KIAA1549L: variants seen among roughly 807,000 people sequenced by gnomAD.
KIAA1549L encodes the protein KIAA1549 like, also known as UPF0606 protein KIAA1549L.
KIAA1549L carries 88 observed loss-of-function variants against 160.7 expected under a neutral mutation model. The observed-to-expected ratio is 0.55, with a 90% CI of 0.46 to 0.65. The LOEUF (loss-of-function observed/expected upper bound fraction) is 0.65. Ranked by LOEUF, KIAA1549L falls within the 30% of genes least tolerant of loss-of-function variation. KIAA1549L has a pLI of 0.00. For synonymous variants in KIAA1549L, 950 were observed against 976.7 expected (o/e 0.97, Z 0.51); for missense variants, 2,258 against 2,437.5 (o/e 0.93, Z 1.55).
At chr11:33,449,233 ATTTTT>A (rs553540920) in intron 1 of KIAA1549L, among the ~76,000 whole-genome samples, 1 of 146,022 alleles carries the variant, frequency 6.8e-6, no homozygotes, top group Non-Finnish European at 1.5e-5. Flanking sequence ...TTGCTCTTCA[ATTTTT>A]TTTTTTTCTG....
intron 15 of KIAA1549L, among the ~76,000 whole-genome samples, chr11:33,618,239 T>A (rs1442275524): frequency 6.6e-6 from 1 of 152,256 alleles, no homozygotes; most frequent in Admixed American, 6.5e-5. Context: ...ACCCCTGGTC[T>A]TGCCATCAGC....
rs1248722032 is a variant in KIAA1549L, at chr11:33,671,798, CAG to C, written c.*3646_*3647del. 1 of 152,170 alleles carries C rather than the reference CAG, an allele frequency of 6.6e-6. No individual in the cohort carries two copies. Among genetic ancestry groups the C allele is most frequent in the Admixed American group, 6.5e-5 (1 of 15,288 alleles). The allele number at this position is 152,170 out of a possible 1,614,324, so 9.4% of individuals were successfully genotyped here. On this transcript the variant is annotated 3_prime_UTR_variant, in exon 21 of 21. Coordinates refer to ENST00000658780, the MANE Select transcript of KIAA1549L (RefSeq NM_012194.3). ...GCTCAACATTTAATGAATAATATAA[CAG>C]ATACTGTCTTAAAAGTTTAAAAACA...
At chr11:33,566,664 A>G (rs10437629) in intron 8 of KIAA1549L, among the ~76,000 whole-genome samples, 33,594 of 152,154 alleles carry the variant, frequency 0.22, 6,950 homozygotes, top group African/African-American at 0.54. Flanking sequence ...CTATTTAAAC[A>G]TCATTCTCTG....
intron 16 of KIAA1549L, among the ~76,000 whole-genome samples, chr11:33,624,438 G>A (rs1235092328): frequency 2.0e-5 from 3 of 152,168 alleles, no homozygotes; most frequent in Non-Finnish European, 2.9e-5. Flanking sequence ...GAGGCCAGTG[G>A]ACAAATGTAA....
intron 1 of KIAA1549L, among the ~76,000 whole-genome samples, chr11:33,508,522 G>A (rs1173084014): frequency 6.6e-6 from 1 of 152,190 alleles, no homozygotes; most frequent in Admixed American, 6.5e-5. Flanking sequence ...GAGCATTAGG[G>A]TAGAAAAATT....
At chr11:33,561,379 A>G (rs1343904960) in intron 7 of KIAA1549L, among the ~76,000 whole-genome samples, 3 of 152,188 alleles carry the variant, frequency 2.0e-5, no homozygotes, top group Non-Finnish European at 4.4e-5. Flanking sequence ...CTGAACAGTG[A>G]GATAGTTTTG....
intron 9 of KIAA1549L, among the ~76,000 whole-genome samples, chr11:33,573,856 T>G (rs1855354597): frequency 6.6e-6 from 1 of 152,158 alleles, no homozygotes; most frequent in South Asian, 2.1e-4. Context: ...ATTACAGTAG[T>G]AAAAAATTAG....
intron 16 of KIAA1549L, among the ~76,000 whole-genome samples, chr11:33,625,362 T>G (rs1166522458): frequency 2.6e-5 from 4 of 152,184 alleles, no homozygotes; most frequent in African/African-American, 7.2e-5. Flanking sequence ...TGAACTAGTT[T>G]ACAGTCCCAC....
chr11:33,605,119 A>G (rs1361260864), intron 13 of KIAA1549L, among the ~76,000 whole-genome samples: 1 of 152,098 alleles, frequency 6.6e-6, no homozygotes, highest in East Asian at 1.9e-4. Flanking sequence ...AGAGTAAGTG[A>G]TCCGAGAGAG....
At chr11:33,546,897 G>A (rs1255116771) in intron 3 of KIAA1549L, among the ~76,000 whole-genome samples, 1 of 152,200 alleles carries the variant, frequency 6.6e-6, no homozygotes, top group Non-Finnish European at 1.5e-5. Flanking sequence ...AATAGAACAA[G>A]TATAACAATA....
intron 9 of KIAA1549L, among the ~76,000 whole-genome samples, chr11:33,569,313 G>T (rs888308474): frequency 6.6e-6 from 1 of 152,174 alleles, no homozygotes; most frequent in Non-Finnish European, 1.5e-5. Context: ...AACATTTGTT[G>T]TGCTAATTAA....
At chr11:33,645,559 A>G in intron 16 of KIAA1549L, 127 bp from the exon 17 acceptor site, 1 of 705,072 alleles carries the variant, frequency 1.4e-6, no homozygotes. Context: ...TAGGGCACGT[A>G]GGATATAATT....
chr11:33,397,616 G>A (rs1380644186), intron 1 of KIAA1549L, among the ~76,000 whole-genome samples: 1 of 151,570 alleles, frequency 6.6e-6, no homozygotes, highest in African/African-American at 2.4e-5. Context: ...GGAGGCTGAG[G>A]CAGGAGAATC....
intron 1 of KIAA1549L, among the ~76,000 whole-genome samples, chr11:33,453,970 A>T (rs1159676998): frequency 1.3e-5 from 2 of 152,214 alleles, no homozygotes; most frequent in East Asian, 3.8e-4. Flanking sequence ...TCACTCCCCC[A>T]GGTTTTTAAT....
chr11:33,666,954 T>C (rs1852478116), intron 20 of KIAA1549L, among the ~76,000 whole-genome samples: 1 of 152,208 alleles, frequency 6.6e-6, no homozygotes, highest in Non-Finnish European at 1.5e-5. Flanking sequence ...AGCAAAGGGC[T>C]CAGTCGATGT....
intron 1 of KIAA1549L, among the ~76,000 whole-genome samples, chr11:33,535,248 A>C (rs1403115941): frequency 6.6e-6 from 1 of 152,202 alleles, no homozygotes; most frequent in Non-Finnish European, 1.5e-5. Flanking sequence ...AGTTCTCACC[A>C]GCTGGGCTTT....
intron 16 of KIAA1549L, among the ~76,000 whole-genome samples, chr11:33,641,572 G>GTGTATATATATA (rs1851580350): frequency 1.0e-5 from 1 of 96,718 alleles, no homozygotes; most frequent in African/African-American, 3.0e-5. Context: ...TAATGGATCT[G>GTGTATATATATA]TATATATATA....
At chr11:33,568,786 T>G (rs940032014) in intron 9 of KIAA1549L, among the ~76,000 whole-genome samples, 5 of 152,178 alleles carry the variant, frequency 3.3e-5, no homozygotes, top group Non-Finnish European at 5.9e-5. Flanking sequence ...CCCTTACCAT[T>G]TTTGTGCATT....
At chr11:33,434,150 A>G (rs1388833630) in intron 1 of KIAA1549L, among the ~76,000 whole-genome samples, 1 of 152,070 alleles carries the variant, frequency 6.6e-6, no homozygotes, top group East Asian at 1.9e-4. Context: ...TTTGTGATAC[A>G]CAGATTTTTT....
Sources: gnomAD v4.1 joint callset for allele counts (sites outside exome capture counted in the v4.1 genomes callset) on GRCh38, gnomAD v4.1.1 for gene constraint, MANE v1.5 for transcripts, NCBI Gene and HGNC (gene_info 2026-07-23, HGNC 2026-07-21) for gene names.